The following CDADC1 variants were observed in gnomAD, a reference collection of about 807,000 sequenced individuals.
The protein encoded by CDADC1 is cytidine and dCMP deaminase domain containing 1.
CDADC1 carries 39 observed loss-of-function variants against 54.9 expected under a neutral mutation model. The ratio of observed to expected loss-of-function variants is 0.71; its 90% CI spans 0.55 to 0.93. The LOEUF (loss-of-function observed/expected upper bound fraction) is 0.93. Among genes scored for constraint, CDADC1 ranks in the 40% least tolerant of loss-of-function variants. The pLI, the probability that CDADC1 is intolerant of heterozygous loss-of-function variation, is 0.00. For missense variants in CDADC1, 518 were observed against 618.8 expected (o/e 0.84, Z 1.73); for synonymous variants, 186 against 204.0 (o/e 0.91, Z 0.75).
intron 2 of CDADC1, 65 bp downstream of exon 2, chr13:49,249,030 C>G (rs1270918288): frequency 9.8e-6 from 10 of 1,023,916 alleles, no homozygotes; most frequent in Non-Finnish European, 1.2e-5. Context: ...GTTTATTGCT[C>G]CAGTTTCTGT....
intron 5 of CDADC1, among the ~76,000 whole-genome samples, chr13:49,269,041 C>T (rs1362101171): frequency 6.6e-6 from 1 of 152,050 alleles, no homozygotes; most frequent in East Asian, 1.9e-4. Context: ...TAAAATGCAT[C>T]TTTGTGATAA....
rs1282758973 is a variant in CDADC1, at chr13:49,255,933, C to T, written c.252+20C>T. On this transcript the variant is annotated intron_variant, in intron 3 of 9. Coordinates refer to ENST00000251108, the MANE Select transcript of CDADC1 (RefSeq NM_030911.4). ...AGACAGGTAAATTTTTATGATTTCACATATATATGCTCATAATAACAAAGC... is the reference window on the plus strand; with the variant it reads ...AGACAGGTAAATTTTTATGATTTCATATATATATGCTCATAATAACAAAGC... 1 of 1,604,178 alleles carries T rather than the reference C, an allele frequency of 6.2e-7. No individual in the cohort carries two copies. Among genetic ancestry groups the T allele is most frequent in the Admixed American group, 1.7e-5 (1 of 57,330 alleles).
intron 6 of CDADC1, among the ~76,000 whole-genome samples, chr13:49,277,864 T>G (rs9568176): frequency 0.3 from 45,038 of 152,088 alleles, 6,784 homozygotes; most frequent in East Asian, 0.5. Flanking sequence ...CAACAGAAAT[T>G]TTCTGTTTAA....
intron 7 of CDADC1, 142 bp from the exon 8 acceptor site, chr13:49,280,367 A>G (rs1365277437): frequency 5.1e-6 from 2 of 393,590 alleles, no homozygotes; most frequent in African/African-American, 4.1e-5. Flanking sequence ...TAATTCAGCA[A>G]GTCTAAGGCT....
intron 6 of CDADC1, 111 bp downstream of exon 6, chr13:49,274,451 C>T: frequency 2.8e-6 from 2 of 710,944 alleles, no homozygotes; most frequent in South Asian, 3.8e-5. Context: ...ATCACAAGGT[C>T]AGGAGATTGA....
intron 8 of CDADC1, 31 bp from the exon 9 acceptor site, chr13:49,286,191 A>G: frequency 1.3e-6 from 2 of 1,575,534 alleles, no homozygotes; most frequent in Non-Finnish European, 1.7e-6. Flanking sequence ...AATCCTCTTT[A>G]AACAAGTAAA....
At chr13:49,278,973 C>A (rs1379344359) in intron 7 of CDADC1, among the ~76,000 whole-genome samples, 2 of 152,132 alleles carry the variant, frequency 1.3e-5, no homozygotes, top group Non-Finnish European at 2.9e-5. Context: ...GTGAAGTAGC[C>A]ATTGTAACAT....
intron 4 of CDADC1, among the ~76,000 whole-genome samples, chr13:49,266,891 G>A (rs1038807927): frequency 1.3e-5 from 2 of 152,120 alleles, no homozygotes; most frequent in African/African-American, 4.8e-5. Context: ...GGCAATATTA[G>A]TTGTTCCCTG....
At position 49,267,970 on chromosome 13, in the gene CDADC1, A is replaced by C; in HGVS notation, c.911A>C (p.Glu304Ala). ...KHFGFYRSNP[E>A]QINEIHNQSL... ...TTCGGATTTTACCGTAGCAATCCAG[A>C]ACAGATTAATGAAATTCACAATCAA... Residue 304 changes from glutamate (E) to alanine (A), a missense_variant, in exon 5 of 10, where the codon GAA (glutamate) becomes GCA (alanine). Transcript: ENST00000251108. The C allele has an allele frequency of 6.2e-7, 1 of 1,614,144 alleles. No homozygotes were observed.
chr13:49,250,031 G>T (rs1056794912), intron 2 of CDADC1, among the ~76,000 whole-genome samples: 4 of 152,212 alleles, frequency 2.6e-5, no homozygotes, highest in East Asian at 1.9e-4. Context: ...AAATGAGGGG[G>T]GTGGGGCAGA....
intron 4 of CDADC1, among the ~76,000 whole-genome samples, chr13:49,263,718 T>G (rs1477474241): frequency 2.0e-5 from 3 of 152,206 alleles, no homozygotes; most frequent in Non-Finnish European, 4.4e-5. Flanking sequence ...AGAAGCAAAT[T>G]TGAGCATCCA....
At chr13:49,255,065 A>C (rs563055534) in intron 2 of CDADC1, among the ~76,000 whole-genome samples, 1 of 152,350 alleles carries the variant, frequency 6.6e-6, no homozygotes, top group East Asian at 1.9e-4. Context: ...CTGGGCTAAA[A>C]TCAAAGTGTT....
At chr13:49,259,082 C>G (rs1952612026) in intron 3 of CDADC1, among the ~76,000 whole-genome samples, 1 of 152,132 alleles carries the variant, frequency 6.6e-6, no homozygotes, top group Non-Finnish European at 1.5e-5. Context: ...TATAATGTAT[C>G]TAATCTTTCA....
chr13:49,291,515 G>A (rs905958669), intron 9 of CDADC1, among the ~76,000 whole-genome samples, 169 bp from the exon 10 acceptor site: 1 of 152,138 alleles, frequency 6.6e-6, no homozygotes, highest in Admixed American at 6.6e-5. Flanking sequence ...TATTGCCTGA[G>A]AGTAAGTTAT....
chr13:49,268,044 T>C lies in CDADC1; in HGVS notation c.985T>C (p.Leu329=), dbSNP rs373678253. 134 of 1,610,446 alleles carry C rather than the reference T, an allele frequency of 8.3e-5. No individual in the cohort carries two copies. The highest frequency in any genetic ancestry group is 1.1e-4 in the Non-Finnish European group (130 of 1,178,880). The change falls in exon 5 of 10, where the codon TTG becomes CTG. Residue 329 remains leucine, a synonymous_variant. Transcript: ENST00000251108. ...ARHCMVQARL[L]AYRTEDHKTG... is the part of the protein sequence containing the mutation. ...GCACTGCATGGTTCAGGCCAGGTTATTGGCATATCGAACTGGTGAGTTACA... is the reference window on the plus strand; with the variant it reads ...GCACTGCATGGTTCAGGCCAGGTTACTGGCATATCGAACTGGTGAGTTACA...
At chr13:49,275,360 A>T (rs982659841) in intron 6 of CDADC1, among the ~76,000 whole-genome samples, 1 of 152,026 alleles carries the variant, frequency 6.6e-6, no homozygotes, top group African/African-American at 2.4e-5. Context: ...TGCTGGGATC[A>T]CAGGTGTGAG....
rs114216733 is a variant in CDADC1, at chr13:49,258,446, C to T, written c.253-900C>T. Among the ~76,000 whole-genome samples the T allele has an allele frequency of 5.1e-3, 780 of 151,970 alleles. 5 individuals are homozygous for T. Among genetic ancestry groups the T allele is most frequent in the African/African-American group, 0.018 (734 of 41,474 alleles). Reference sequence around the variant, plus strand: ...ATGCAGAACTGACTTTTTTTTTTAACCTTAGTCTGTTTTATCTGATATTGT... The same window carrying T: ...ATGCAGAACTGACTTTTTTTTTTAATCTTAGTCTGTTTTATCTGATATTGT... On this transcript the variant is annotated intron_variant, in intron 3 of 9. Transcript: ENST00000251108.
At position 49,267,657 on chromosome 13, in the gene CDADC1, G is replaced by A. The variant is rs1247396227; in HGVS notation, c.598G>A (p.Val200Met). The change falls in exon 5 of 10, where the codon GTG (valine) becomes ATG (methionine). Residue 200 changes from valine (V) to methionine (M), a missense_variant. Val to Met is a conservative substitution (Grantham distance 21, BLOSUM62 1). Coordinates refer to ENST00000251108, the MANE Select transcript of CDADC1 (RefSeq NM_030911.4). ...VLLQPLVCYMVQFVEETSYKC... is the reference protein window; with the variant it reads ...VLLQPLVCYMMQFVEETSYKC... ...ACTTCAACCTTTGGTGTGTTATATG[G>A]TGCAGTTTGTAGAGGAGACCTCTTA... is the stretch of plus-strand genomic sequence containing the variant. 6.2e-6 allele frequency: 10 copies of A among 1,614,130 alleles called. No individual in the cohort carries two copies. Among genetic ancestry groups the A allele is most frequent in the South Asian group, 1.1e-5 (1 of 91,066 alleles).
chr13:49,265,783 A>T, intron 4 of CDADC1: 2 of 1,099,396 alleles, frequency 1.8e-6, no homozygotes, highest in South Asian at 1.5e-5. Context: ...AGTGTTAAGG[A>T]ATCCTGAGAT....
Sources: gnomAD v4.1 joint callset for allele counts (sites outside exome capture counted in the v4.1 genomes callset) on GRCh38, gnomAD v4.1.1 for gene constraint, MANE v1.5 for transcripts, NCBI Gene and HGNC (gene_info 2026-07-23, HGNC 2026-07-21) for gene names.